Variants in DGKB observed in about 807,000 individuals in gnomAD.
The protein encoded by DGKB is 90 kDa diacylglycerol kinase.
Under a neutral mutation model 114.3 loss-of-function variants are expected in DGKB, and 67 were observed. The ratio of observed to expected loss-of-function variants is 0.59; its 90% CI spans 0.48 to 0.72. DGKB has a LOEUF of 0.72. Ranked by LOEUF, DGKB falls within the 30% of genes least tolerant of loss-of-function variation. The pLI, the probability that DGKB is intolerant of heterozygous loss-of-function variation, is 0.00. For missense variants in DGKB, 907 were observed against 975.2 expected (o/e 0.93, Z 0.93); for synonymous variants, 398 against 323.1 (o/e 1.23, Z -2.49).
intron 17 of DGKB, among the ~76,000 whole-genome samples, chr7:14,590,977 A>G (rs1440792987): frequency 6.6e-6 from 1 of 152,114 alleles, no homozygotes; most frequent in African/African-American, 2.4e-5. Context: ...TCTGCATGCA[A>G]TCTGAAACTG....
chr7:14,355,648 G>A (rs1279182053), intron 21 of DGKB, among the ~76,000 whole-genome samples: 1 of 152,158 alleles, frequency 6.6e-6, no homozygotes, highest in African/African-American at 2.4e-5. Flanking sequence ...TGGTGGATAA[G>A]CTTTTTGATG....
At chr7:14,354,359 A>G (rs1235067425) in intron 21 of DGKB, among the ~76,000 whole-genome samples, 3 of 152,186 alleles carry the variant, frequency 2.0e-5, no homozygotes, top group Non-Finnish European at 2.9e-5. Flanking sequence ...CTACAAATGC[A>G]GATATTAGCA....
chr7:14,966,394 C>A (rs1388147971), intron 1 of DGKB, among the ~76,000 whole-genome samples: 1 of 151,708 alleles, frequency 6.6e-6, no homozygotes, highest in Non-Finnish European at 1.5e-5. Context: ...AGGAAAAATT[C>A]TAATTAGATA....
intron 20 of DGKB, among the ~76,000 whole-genome samples, chr7:14,520,065 T>C (rs1408364826): frequency 1.3e-5 from 2 of 151,846 alleles, no homozygotes; most frequent in African/African-American, 4.8e-5. Context: ...TTCCAATTTA[T>C]CTTATTTTTT....
intron 1 of DGKB, among the ~76,000 whole-genome samples, chr7:14,971,762 ATT>A (rs71004349): frequency 1.4e-3 from 188 of 139,094 alleles, no homozygotes; most frequent in African/African-American, 2.6e-3. Context: ...TATTGAAAGC[ATT>A]TTTTTTTTTT....
At chr7:14,731,758 C>G (rs928373211) in intron 5 of DGKB, among the ~76,000 whole-genome samples, 3 of 152,016 alleles carry the variant, frequency 2.0e-5, no homozygotes, top group Non-Finnish European at 4.4e-5. Context: ...AGGAAATTAA[C>G]AAATGGTGGG....
intron 17 of DGKB, among the ~76,000 whole-genome samples, chr7:14,584,761 G>T (rs28599592): frequency 2.0e-5 from 3 of 151,566 alleles, no homozygotes; most frequent in African/African-American, 7.3e-5. Context: ...TGGGTTCAAG[G>T]GATTCTCCTG....
Position 14,478,178 on chromosome 7 carries a change from TG to T in DGKB, c.1817del (p.Pro606GlnfsTer8). On this transcript the variant is annotated frameshift_variant, in exon 21 of 26. Coordinates refer to ENST00000402815, the MANE Select transcript of DGKB (RefSeq NM_001350709.2). LOFTEE classifies it high-confidence loss of function. ...HRFHIMREKH[P>X]EKFNSRMKNK... is the part of the protein sequence containing the mutation. ...CACCTTACCTACTGTTGAATTTCTC[TG>T]GGTGTTTTTCTCTCATGATGTGGAA... 6.2e-7 allele frequency: 1 copy of T among 1,603,598 alleles called. No homozygotes were observed.
In DGKB at chr7:14,478,047, C is replaced by T. The variant is rs999697500; in HGVS notation, c.1835+114G>A. ...ATTTACACACACACACACACACACG[C>T]ACACAAAGCCTCATAAAGCCAGTAG... On this transcript the variant is annotated intron_variant, in intron 21 of 25. Transcript: ENST00000402815. 6.6e-6 allele frequency: 4 copies of T among 606,368 alleles called. No homozygotes were observed. In the African/African-American group the frequency reaches 7.6e-5, roughly 11 times the overall value. The allele number at this position is 606,368 out of a possible 1,614,324, so 37.6% of individuals were successfully genotyped here. A position where few individuals can be genotyped will look rare whatever the true frequency, so the allele number is the denominator to read the frequency against.
chr7:14,609,487 T>C (rs528982039), intron 16 of DGKB, among the ~76,000 whole-genome samples: 2 of 152,044 alleles, frequency 1.3e-5, no homozygotes, highest in East Asian at 3.9e-4. Flanking sequence ...TGGCAACACA[T>C]TTTTTATTAA....
intron 2 of DGKB, among the ~76,000 whole-genome samples, chr7:14,839,098 C>T (rs1847556526): frequency 6.6e-6 from 1 of 152,084 alleles, no homozygotes. Flanking sequence ...AATATTCTGG[C>T]TAGACATAGA....
rs557010569 is a variant in DGKB at position 14,686,876 on chromosome 7, C to T, written c.712-1514G>A. 3.4e-4 allele frequency among the ~76,000 whole-genome samples: 51 copies of T among 152,044 alleles called. No individual in the cohort carries two copies. The South Asian group carries it at 0.01, about 30-fold the overall frequency. On this transcript the variant is annotated intron_variant, in intron 9 of 25. Transcript: ENST00000402815. Reference sequence around the variant, plus strand: ...TTCTTTCTTTTTTTTCTTCTTAAGACTATCTTTTCAAAGATGTTTGAGTAA... The same window carrying T: ...TTCTTTCTTTTTTTTCTTCTTAAGATTATCTTTTCAAAGATGTTTGAGTAA...
At chr7:14,784,330 C>CT (rs1307602422) in intron 2 of DGKB, among the ~76,000 whole-genome samples, 2 of 149,234 alleles carry the variant, frequency 1.3e-5, no homozygotes, top group African/African-American at 4.9e-5. Context: ...ATATAAACAC[C>CT]TTTTTGACCA....
intron 23 of DGKB, among the ~76,000 whole-genome samples, chr7:14,206,044 AT>A (rs1205762871): frequency 1.3e-5 from 2 of 152,158 alleles, no homozygotes; most frequent in East Asian, 3.9e-4. Context: ...CATATTCAAA[AT>A]AAAAACTTGC....
chr7:14,745,467 T>C (rs1183735155), intron 4 of DGKB, among the ~76,000 whole-genome samples: 2 of 152,056 alleles, frequency 1.3e-5, no homozygotes, highest in East Asian at 1.9e-4. Context: ...TAAAGGAGGG[T>C]CCACAGAGAA....
intron 20 of DGKB, among the ~76,000 whole-genome samples, chr7:14,498,073 T>C (rs917279452): frequency 2.0e-5 from 3 of 151,922 alleles, no homozygotes; most frequent in African/African-American, 7.2e-5. Flanking sequence ...CCATGCTTTA[T>C]TGTATCTGAG....
chr7:14,290,100 G>C (rs1349237507), intron 23 of DGKB, among the ~76,000 whole-genome samples: 6 of 152,088 alleles, frequency 3.9e-5, no homozygotes, highest in Non-Finnish European at 1.5e-5. Context: ...CCAACTTCTT[G>C]TCTATGTTCA....
chr7:14,366,068 T>C lies in DGKB; in HGVS notation c.1836-20677A>G, dbSNP rs149398770. Among the ~76,000 whole-genome samples, 748 of 152,226 alleles carry C rather than the reference T, an allele frequency of 4.9e-3. 4 individuals are homozygous for C. The highest frequency in any genetic ancestry group is 0.017 in the African/African-American group (702 of 41,560). ...AAATCCAGGTCAGAATTTCTGACTA[T>C]AGTTGTATTTGCAAACTGAGAAATT... is the stretch of plus-strand genomic sequence containing the variant. On this transcript the variant is annotated intron_variant, in intron 21 of 25. Coordinates refer to ENST00000402815, the MANE Select transcript of DGKB (RefSeq NM_001350709.2).
chr7:14,533,019 C>T (rs935000304), intron 20 of DGKB, among the ~76,000 whole-genome samples: 5 of 151,692 alleles, frequency 3.3e-5, no homozygotes, highest in Non-Finnish European at 5.9e-5. Flanking sequence ...ATAAAATTCC[C>T]ATAACCAACT....
Sources: allele counts gnomAD v4.1 joint callset (sites outside exome capture counted in the v4.1 genomes callset), GRCh38; gene constraint gnomAD v4.1.1; transcripts MANE v1.5; gene names NCBI Gene and HGNC (gene_info 2026-07-23, HGNC 2026-07-21).